CDH18: variants seen among roughly 807,000 people sequenced by gnomAD.
CDH18 encodes the protein cadherin-18.
A neutral mutation model predicts 67.9 loss-of-function variants in CDH18; 31 were observed. The ratio of observed to expected loss-of-function variants is 0.46; its 90% CI spans 0.34 to 0.62. The LOEUF is 0.62. Ranked by LOEUF, CDH18 falls within the 20% of genes least tolerant of loss-of-function variation. CDH18 has a pLI of 0.01. For synonymous variants in CDH18, 362 were observed against 347.2 expected, an observed-to-expected ratio of 1.04 and a Z score of -0.48; for missense variants, 890 against 975.5, an observed-to-expected ratio of 0.91 and a Z score of 1.17.
chr5:19,475,366 C>T (rs1738270028), intron 12 of CDH18, among the ~76,000 whole-genome samples: 1 of 151,956 alleles, frequency 6.6e-6, no homozygotes, highest in Non-Finnish European at 1.5e-5. Flanking sequence ...ACACATTAGC[C>T]TACAGTTTGC....
chr5:20,318,350 A>G (rs1488615254), intron 1 of CDH18, among the ~76,000 whole-genome samples: 1 of 152,156 alleles, frequency 6.6e-6, no homozygotes, highest in Non-Finnish European at 1.5e-5. Flanking sequence ...CGAAGATGCC[A>G]CTATGATTAT....
chr5:19,566,555 C>A (rs2149910204), intron 8 of CDH18, among the ~76,000 whole-genome samples: 1 of 152,216 alleles, frequency 6.6e-6, no homozygotes, highest in South Asian at 2.1e-4. Flanking sequence ...AGAATGAGAG[C>A]CAAGTGAAAG....
chr5:20,260,689 A>G (rs1397855355), intron 1 of CDH18, among the ~76,000 whole-genome samples: 5 of 152,148 alleles, frequency 3.3e-5, no homozygotes, highest in Non-Finnish European at 7.4e-5. Context: ...GCCTGTTAGT[A>G]TGATGGTACA....
chr5:20,496,490 T>C (rs1348424525), intron 1 of CDH18, among the ~76,000 whole-genome samples: 1 of 152,140 alleles, frequency 6.6e-6, no homozygotes, highest in Non-Finnish European at 1.5e-5. Context: ...ACACATAGAA[T>C]TGAATATACC....
chr5:19,984,350 C>T (rs1799356099), intron 1 of CDH18, among the ~76,000 whole-genome samples: 1 of 151,664 alleles, frequency 6.6e-6, no homozygotes, highest in Non-Finnish European at 1.5e-5. Context: ...TTTTATATGT[C>T]TACATTTTTA....
In CDH18 at chr5:20,353,695, C is replaced by T. The variant is rs144474438; in HGVS notation, c.-579-98190G>A. Among the ~76,000 whole-genome samples, 876 of 152,240 alleles carry T rather than the reference C, an allele frequency of 5.8e-3. 4 individuals are homozygous for T. Among genetic ancestry groups the T allele is most frequent in the Non-Finnish European group, 9.8e-3 (669 of 68,002 alleles). ...AAAGTCTCTTCAGAATAGCTTATCT[C>T]GCAGCAATCAGCCATTACCACCTTA... On this transcript the variant is annotated intron_variant, in intron 1 of 14. Coordinates refer to the CDH18 transcript ENST00000507958.
intron 5 of CDH18, among the ~76,000 whole-genome samples, chr5:19,702,202 G>A (rs1333363709): frequency 7.1e-6 from 1 of 141,198 alleles, no homozygotes; most frequent in Non-Finnish European, 1.5e-5. Flanking sequence ...AGGCTGGAGT[G>A]CAATGGTACA....
At chr5:20,074,978 C>T (rs892185085) in intron 2 of CDH18, among the ~76,000 whole-genome samples, 2 of 152,000 alleles carry the variant, frequency 1.3e-5, no homozygotes, top group African/African-American at 4.8e-5. Context: ...TATCTGAAAC[C>T]TATGCAGATT....
intron 9 of CDH18, among the ~76,000 whole-genome samples, chr5:19,532,550 T>C (rs1335677509): frequency 2.0e-5 from 3 of 152,202 alleles, no homozygotes; most frequent in African/African-American, 7.2e-5. Context: ...TTTTCATTTA[T>C]TTGGAAGTAT....
rs1447605633 is a variant in CDH18, at chr5:19,747,234, C to A, written c.231G>T (p.Leu77=). Residue 77 remains leucine (L), a splice_region_variant and synonymous_variant, in exon 4 of 13, where the codon CTG becomes CTT. Transcript: ENST00000382275. ...MGPDPQYVGK[L]HSNSDKGDGS... is the part of the protein sequence containing the mutation. The stretch of plus-strand genomic sequence containing the variant: ...CATCACCTTTGTCAGAATTGGAGTG[C>A]AGCTGTGAAATACACATGGAATAAT... 6.2e-7 allele frequency: 1 copy of A among 1,611,266 alleles called. No homozygotes were observed. The highest frequency in any genetic ancestry group is 1.1e-5 in the South Asian group (1 of 90,944).
At chr5:20,435,751 ATAAG>A (rs1452594223) in intron 1 of CDH18, among the ~76,000 whole-genome samples, 2 of 152,164 alleles carry the variant, frequency 1.3e-5, no homozygotes, top group Non-Finnish European at 2.9e-5. Flanking sequence ...GAAAAGAAAA[ATAAG>A]TAAGACACTT....
At chr5:19,920,485 A>G (rs1792308159) in intron 2 of CDH18, among the ~76,000 whole-genome samples, 1 of 150,350 alleles carries the variant, frequency 6.7e-6, no homozygotes, top group Admixed American at 6.7e-5. Flanking sequence ...TAAATGACAC[A>G]GATTAGACAC....
At chr5:20,533,082 G>C (rs1229234867) in intron 1 of CDH18, among the ~76,000 whole-genome samples, 1 of 151,982 alleles carries the variant, frequency 6.6e-6, no homozygotes, top group Non-Finnish European at 1.5e-5. Flanking sequence ...TCAATCAATA[G>C]AGAGAAAATT....
At chr5:20,094,023 A>G (rs1360507536) in intron 2 of CDH18, among the ~76,000 whole-genome samples, 2 of 152,162 alleles carry the variant, frequency 1.3e-5, no homozygotes, top group South Asian at 2.1e-4. Flanking sequence ...TGGTGCCAAG[A>G]AAACAAAAAT....
intron 1 of CDH18, among the ~76,000 whole-genome samples, chr5:20,496,712 C>T (rs1320072434): frequency 6.6e-6 from 1 of 152,050 alleles, no homozygotes; most frequent in Non-Finnish European, 1.5e-5. Context: ...TATAAGCATG[C>T]TCCTCCATTC....
At position 19,970,890 on chromosome 5, in the gene CDH18, CTT is replaced by C. The variant is rs1402040257; in HGVS notation, c.-257+10168_-257+10169del. ...TGACATATATAGGTAATACAGAAAA[CTT>C]TTTAAAAACAGATAGTGAAGAATAT... On this transcript the variant is annotated intron_variant, in intron 2 of 12. Transcript: ENST00000382275. Among the ~76,000 whole-genome samples, 59 of 151,358 alleles carry C rather than the reference CTT, an allele frequency of 3.9e-4. 1 individual carries two copies. The highest frequency in any genetic ancestry group is 3.4e-3 in the Admixed American group (51 of 15,164).
chr5:20,417,543 C>A (rs1747416348), intron 1 of CDH18, among the ~76,000 whole-genome samples: 2 of 152,044 alleles, frequency 1.3e-5, no homozygotes, highest in African/African-American at 2.4e-5. Flanking sequence ...TATGGTGAAA[C>A]CCCATTTTGG....
intron 3 of CDH18, among the ~76,000 whole-genome samples, chr5:19,754,809 C>G (rs1771312236): frequency 6.6e-6 from 1 of 152,096 alleles, no homozygotes; most frequent in South Asian, 2.1e-4. Context: ...TTATATCAAG[C>G]ACTCTCTCAG....
intron 5 of CDH18, among the ~76,000 whole-genome samples, chr5:19,649,025 ATTTTCTT>A (rs1461180799): frequency 6.6e-6 from 1 of 152,056 alleles, no homozygotes; most frequent in Non-Finnish European, 1.5e-5. Context: ...GTAACTCACA[ATTTTCTT>A]AAGATATTTC....
Sources: gnomAD v4.1 joint callset for allele counts (sites outside exome capture counted in the v4.1 genomes callset) on GRCh38, gnomAD v4.1.1 for gene constraint, MANE v1.5 for transcripts, NCBI Gene and HGNC (gene_info 2026-07-23, HGNC 2026-07-21) for gene names.